The following CSMD1 variants were observed in gnomAD, a reference collection of about 807,000 sequenced individuals.
CSMD1 encodes CUB and Sushi multiple domains 1.
A neutral mutation model predicts 417.5 loss-of-function variants in CSMD1; 213 were observed. The ratio of observed to expected loss-of-function variants is 0.51; its 90% CI spans 0.46 to 0.57. The LOEUF is 0.57. Ranked by LOEUF, CSMD1 falls within the 20% of genes least tolerant of loss-of-function variation. CSMD1 has a pLI of 0.00. For synonymous variants in CSMD1, 2,862 were observed against 1,736.8 expected (o/e 1.65, Z -16.11); for missense variants, 6,923 against 4,529.7 (o/e 1.53, Z -15.17).
intron 3 of CSMD1, among the ~76,000 whole-genome samples, chr8:4,178,078 T>C (rs1204807910): frequency 6.6e-6 from 1 of 152,178 alleles, no homozygotes; most frequent in Non-Finnish European, 1.5e-5. Context: ...TAACTCATTT[T>C]ATGAGGCCAG....
chr8:4,798,121 T>C (rs1563417662), intron 1 of CSMD1, among the ~76,000 whole-genome samples: 1 of 152,234 alleles, frequency 6.6e-6, no homozygotes, highest in Non-Finnish European at 1.5e-5. Context: ...CAATAACTCA[T>C]CATTTACATT....
intron 3 of CSMD1, among the ~76,000 whole-genome samples, chr8:4,213,455 T>G (rs1019941668): frequency 1.3e-5 from 2 of 152,250 alleles, no homozygotes; most frequent in African/African-American, 4.8e-5. Context: ...ACAGGAACAG[T>G]TGCCCGGATA....
At chr8:4,935,876 A>T (rs548089680) in intron 1 of CSMD1, among the ~76,000 whole-genome samples, 6 of 152,352 alleles carry the variant, frequency 3.9e-5, no homozygotes, top group Non-Finnish European at 8.8e-5. Flanking sequence ...AGCAGAACTC[A>T]TGCAATTTCT....
intron 20 of CSMD1, among the ~76,000 whole-genome samples, chr8:3,361,276 T>C (rs1458141944): frequency 1.3e-5 from 2 of 152,056 alleles, no homozygotes; most frequent in African/African-American, 2.4e-5. Context: ...TCTACTTCTA[T>C]CTAAGGATAT....
At chr8:4,446,833 G>C (rs543610955) in intron 2 of CSMD1, among the ~76,000 whole-genome samples, 2 of 150,938 alleles carry the variant, frequency 1.3e-5, no homozygotes, top group African/African-American at 4.9e-5. Context: ...ATCTTGGCCA[G>C]ACTGGTCTTG....
At chr8:4,542,754 G>A (rs1167622224) in intron 2 of CSMD1, among the ~76,000 whole-genome samples, 2 of 151,926 alleles carry the variant, frequency 1.3e-5, no homozygotes, top group African/African-American at 2.4e-5. Flanking sequence ...ATAAGTGAAA[G>A]TACAAAGTAA....
chr8:4,235,610 A>C (rs966811201), intron 3 of CSMD1, among the ~76,000 whole-genome samples: 6 of 152,108 alleles, frequency 3.9e-5, no homozygotes. Context: ...GGATCTCATG[A>C]CACTGGCCTG....
intron 3 of CSMD1, among the ~76,000 whole-genome samples, chr8:4,317,725 G>C (rs1221109460): frequency 1.3e-5 from 2 of 152,180 alleles, no homozygotes; most frequent in African/African-American, 4.8e-5. Flanking sequence ...CGATAGCTCA[G>C]CTGAGTACAT....
chr8:4,890,132 A>G (rs1468562501), intron 1 of CSMD1, among the ~76,000 whole-genome samples: 1 of 152,132 alleles, frequency 6.6e-6, no homozygotes, highest in African/African-American at 2.4e-5. Flanking sequence ...GCCTCTAGAA[A>G]AATCCCATTT....
At chr8:4,744,473 G>C (rs962056928) in intron 1 of CSMD1, among the ~76,000 whole-genome samples, 1 of 152,126 alleles carries the variant, frequency 6.6e-6, no homozygotes, top group Non-Finnish European at 1.5e-5. Flanking sequence ...CTCCATAAGT[G>C]AGGAATTATA....
In CSMD1 at chr8:3,321,948, A is replaced by G. The variant is rs922197082; in HGVS notation, c.3632-13445T>C. Among the ~76,000 whole-genome samples the G allele has an allele frequency of 5.3e-5, 8 of 152,224 alleles. No individual in the cohort carries two copies. In the South Asian group the frequency reaches 1.7e-3, roughly 32 times the overall value. On this transcript the variant is annotated intron_variant, in intron 23 of 69. Transcript: ENST00000635120. ...GATTCAGTATTATTTAGCAAACCTA[A>G]AATGGAACCTACACAGTTTCATAAA...
At chr8:3,113,223 G>A (rs1816638268) in intron 42 of CSMD1, 1 of 152,312 alleles carries the variant, frequency 6.6e-6, no homozygotes, top group Non-Finnish European at 1.5e-5. Flanking sequence ...GTCTGCCTGG[G>A]AGACACTGGT....
At chr8:4,133,987 T>C (rs566646621) in intron 3 of CSMD1, among the ~76,000 whole-genome samples, 1 of 152,216 alleles carries the variant, frequency 6.6e-6, no homozygotes, top group Non-Finnish European at 1.5e-5. Flanking sequence ...GGTTTTCTTA[T>C]CCATAAAAGA....
intron 25 of CSMD1, among the ~76,000 whole-genome samples, chr8:3,297,771 C>T (rs974608434): frequency 1.4e-4 from 22 of 152,058 alleles, no homozygotes; most frequent in African/African-American, 5.3e-4. Context: ...CACAAAATCA[C>T]TAAAGCCAAC....
At chr8:4,964,791 T>C (rs938558039) in intron 1 of CSMD1, among the ~76,000 whole-genome samples, 3 of 152,190 alleles carry the variant, frequency 2.0e-5, no homozygotes, top group Non-Finnish European at 4.4e-5. Context: ...GAAATTGTTC[T>C]TTTTATCGTC....
chr8:3,350,191 T>G (rs1808321974), intron 21 of CSMD1, among the ~76,000 whole-genome samples: 1 of 126,408 alleles, frequency 7.9e-6, no homozygotes, highest in African/African-American at 3.1e-5. Context: ...ACCTATAACT[T>G]GTGTATGTGT....
intron 12 of CSMD1, among the ~76,000 whole-genome samples, chr8:3,460,549 G>A (rs118100091): frequency 2.6e-5 from 4 of 151,968 alleles, no homozygotes; most frequent in Admixed American, 2.0e-4. Context: ...ATGAAGTTTC[G>A]ACCACTACAG....
chr8:4,230,798 A>G (rs1801675595), intron 3 of CSMD1, among the ~76,000 whole-genome samples: 1 of 152,098 alleles, frequency 6.6e-6, no homozygotes, highest in Admixed American at 6.6e-5. Flanking sequence ...TTTACCTCTC[A>G]TACTTCAGCA....
chr8:4,663,361 T>C (rs1328070927), intron 1 of CSMD1, among the ~76,000 whole-genome samples: 1 of 152,174 alleles, frequency 6.6e-6, no homozygotes. Flanking sequence ...CTACAGGTAT[T>C]TCTTTCCTCT....
Sources: allele counts gnomAD v4.1 joint callset (sites outside exome capture counted in the v4.1 genomes callset), GRCh38; gene constraint gnomAD v4.1.1; transcripts MANE v1.5; gene names NCBI Gene and HGNC (gene_info 2026-07-23, HGNC 2026-07-21).